CENPI: variants seen among roughly 807,000 people sequenced by gnomAD.
CENPI encodes FSH primary response 1.
CENPI carries 4 observed loss-of-function variants against 60.4 expected under a neutral mutation model. The ratio of observed to expected loss-of-function variants is 0.07; its 90% CI spans 0.03 to 0.15. The LOEUF (loss-of-function observed/expected upper bound fraction) is 0.15, where lower values mean the gene tolerates loss of function less well. CENPI is among the 10% of genes least tolerant of loss of function. The pLI, the probability that CENPI is intolerant of heterozygous loss-of-function variation, is 1.00. For missense variants in CENPI, 444 were observed against 534.5 expected (o/e 0.83, Z 1.67); for synonymous variants, 157 against 189.4 (o/e 0.83, Z 1.40).
At chrX:101,102,250 A>G (rs773419547) in intron 3 of CENPI, 24 bp from the exon 4 acceptor site, 37 of 1,116,193 alleles carry the variant, frequency 3.3e-5, no homozygotes, top group Non-Finnish European at 4.3e-5. Context: ...AGGTCTCACT[A>G]TTTAATATTG....
intron 21 of CENPI, among the ~76,000 whole-genome samples, chrX:101,162,473 A>ATATATATATATATATATATATAT (rs1556409814): frequency 4.6e-4 from 31 of 68,046 alleles, no homozygotes; most frequent in African/African-American, 2.1e-3. Context: ...AAAAAAAAAA[A>ATATATATATATATATATATATAT]ATATATATAT....
intron 4 of CENPI, among the ~76,000 whole-genome samples, chrX:101,105,615 T>G (rs1266797520): frequency 9.0e-6 from 1 of 111,691 alleles, no homozygotes; most frequent in Non-Finnish European, 1.9e-5. Context: ...CGCTGTGTTG[T>G]CCAGACTGCA....
At chrX:101,112,813 C>G (rs1049908615) in intron 6 of CENPI, among the ~76,000 whole-genome samples, 1 of 100,835 alleles carries the variant, frequency 9.9e-6, no homozygotes, top group East Asian at 3.2e-4. Flanking sequence ...ACCACACTGG[C>G]CAAGGGGTCC....
chrX:101,098,915 C>T (rs2089375983), intron 2 of CENPI: 1 of 111,506 alleles, frequency 9.0e-6, no homozygotes, highest in African/African-American at 3.3e-5. Flanking sequence ...ATCCAAACTC[C>T]TTACTCTGGC....
At position 101,127,232 on chromosome X, in the gene CENPI, T is replaced by C; in HGVS notation, c.872T>C (p.Met291Thr). The C allele has an allele frequency of 8.4e-7, 1 of 1,193,572 alleles. No homozygotes were observed. The highest frequency in any genetic ancestry group is 1.1e-6 in the Non-Finnish European group (1 of 888,363). The change falls in exon 10 of 22, where the codon ATG becomes ACG. Residue 291 changes from methionine (M) to threonine (T), a missense_variant. Coordinates refer to ENST00000682095, the MANE Select transcript of CENPI (RefSeq NM_001386188.2). ...RGPSPEPLKL[M>T]LGPANVRPLK... ...CCTTCTCCAGAACCTCTGAAGTTGA[T>C]GTTAGGTCCAGCTAATGTTCGTCCT... is the stretch of plus-strand genomic sequence containing the variant.
intron 6 of CENPI, among the ~76,000 whole-genome samples, chrX:101,118,874 A>G (rs2089648626): frequency 8.9e-6 from 1 of 111,800 alleles, no homozygotes; most frequent in Admixed American, 9.5e-5. Flanking sequence ...CATAACATGT[A>G]TTCTTTCTTT....
downstream of CENPI, among the ~76,000 whole-genome samples, chrX:101,170,245 A>G (rs1569505365): frequency 1.8e-5 from 2 of 111,998 alleles, no homozygotes; most frequent in Non-Finnish European, 3.8e-5. Context: ...ATTGTGTTTC[A>G]GTTGCCTACA....
At chrX:101,174,589 C>A in the CENPI span, among the ~76,000 whole-genome samples, 1 of 110,574 alleles carries the variant, frequency 9.0e-6, no homozygotes, top group Non-Finnish European at 1.9e-5. Context: ...CACGTGTTCG[C>A]CCTTATAAGT....
At chrX:101,178,958 C>T in the CENPI span, among the ~76,000 whole-genome samples, 5 of 111,986 alleles carry the variant, frequency 4.5e-5, no homozygotes, top group Middle Eastern at 9.2e-3. Context: ...TTTTTAAAGG[C>T]GAGTTTTGAT....
At chrX:101,098,773 C>A (rs2089374879) in intron 2 of CENPI, 1 of 111,527 alleles carries the variant, frequency 9.0e-6, no homozygotes, top group Admixed American at 9.6e-5. Flanking sequence ...TATTTGGTTT[C>A]TTGCCGCTCC....
intron 6 of CENPI, among the ~76,000 whole-genome samples, chrX:101,110,512 T>C (rs1040429209): frequency 8.0e-5 from 9 of 112,485 alleles, no homozygotes; most frequent in African/African-American, 1.3e-4. Flanking sequence ...TTAATAACTT[T>C]AAGAAATCAA....
chrX:101,147,875 A>G lies in CENPI; in HGVS notation c.1875+64A>G, dbSNP rs1200264458. Reference sequence around the variant, plus strand: ...TAAAAATTAAGTCTAGATATATATGACCTGATGGGAGTAAGAAGGAAAGGG... The same window carrying G: ...TAAAAATTAAGTCTAGATATATATGGCCTGATGGGAGTAAGAAGGAAAGGG... On this transcript the variant is annotated intron_variant, in intron 19 of 21. Transcript: ENST00000682095. 3 of 1,147,585 alleles carry G rather than the reference A, an allele frequency of 2.6e-6. No homozygotes were observed. The East Asian group carries it at 9.0e-5, about 34-fold the overall frequency. 94.6% of individuals were successfully genotyped at this position (1,147,585 alleles called of 1,213,427 possible).
At chrX:101,130,781 G>A (rs1689968031) in intron 13 of CENPI, among the ~76,000 whole-genome samples, 1 of 111,826 alleles carries the variant, frequency 8.9e-6, no homozygotes, top group African/African-American at 3.2e-5. Flanking sequence ...ATTTTAAGCT[G>A]CAGCTTGGGT....
chrX:101,121,128 G>A (rs1264154117), intron 8 of CENPI, among the ~76,000 whole-genome samples: 3 of 110,293 alleles, frequency 2.7e-5, no homozygotes, highest in South Asian at 3.8e-4. Context: ...CACCCGCCTC[G>A]GCCTCCCAAG....
At chrX:101,105,537 A>G (rs2089474097) in intron 4 of CENPI, among the ~76,000 whole-genome samples, 1 of 111,678 alleles carries the variant, frequency 9.0e-6, no homozygotes, top group Non-Finnish European at 1.9e-5. Flanking sequence ...AAACAAAACA[A>G]AAAAACAACA....
intron 15 of CENPI, among the ~76,000 whole-genome samples, chrX:101,136,964 G>A: frequency 9.0e-6 from 1 of 110,745 alleles, no homozygotes; most frequent in Non-Finnish European, 1.9e-5. Flanking sequence ...CCAGGCTGGA[G>A]CGCAGTGGCA....
intron 8 of CENPI, among the ~76,000 whole-genome samples, chrX:101,123,709 T>C (rs1381994565): frequency 9.1e-6 from 1 of 110,254 alleles, no homozygotes; most frequent in Non-Finnish European, 1.9e-5. Flanking sequence ...CTCCTCAGCC[T>C]CTGGAGTAGC....
intron 2 of CENPI, 44 bp from the exon 3 acceptor site, chrX:101,101,014 C>G (rs1361402149): frequency 3.2e-6 from 3 of 936,011 alleles, no homozygotes; most frequent in Non-Finnish European, 4.6e-6. Context: ...GAAAAAAGGA[C>G]TGTTTGGCTG....
chrX:101,178,377 GCTT>G, the CENPI span, among the ~76,000 whole-genome samples: 2 of 83,842 alleles, frequency 2.4e-5, no homozygotes, highest in Non-Finnish European at 4.8e-5. Context: ...TAGGATCTAT[GCTT>G]CTTCTTCTTT....
Sources: allele counts gnomAD v4.1 joint callset (sites outside exome capture counted in the v4.1 genomes callset), GRCh38; gene constraint gnomAD v4.1.1; transcripts MANE v1.5; gene names NCBI Gene and HGNC (gene_info 2026-07-23, HGNC 2026-07-21).